STXBP4: variants seen among roughly 807,000 people sequenced by gnomAD.
STXBP4 encodes syntaxin-binding protein 4.
A neutral mutation model predicts 76.1 loss-of-function variants in STXBP4; 55 were observed. The observed-to-expected ratio is 0.72, with a 90% CI of 0.58 to 0.91. The LOEUF is 0.91. STXBP4 is among the 40% of genes least tolerant of loss of function. The pLI, the probability that STXBP4 is intolerant of heterozygous loss-of-function variation, is 0.00. For missense variants in STXBP4, 618 were observed against 636.9 expected (o/e 0.97, Z 0.32); for synonymous variants, 201 against 220.2 (o/e 0.91, Z 0.77).
chr17:55,105,777 C>G (rs1043053023), intron 16 of STXBP4, among the ~76,000 whole-genome samples: 1 of 151,852 alleles, frequency 6.6e-6, no homozygotes, highest in Non-Finnish European at 1.5e-5. Flanking sequence ...CGCACCTGGC[C>G]TCTTAATCCT....
In STXBP4 at chr17:55,007,566, C is replaced by T. The variant is rs2078032824; in HGVS notation, c.635C>T (p.Ser212Phe). 6.2e-7 allele frequency: 1 copy of T among 1,606,800 alleles called. No individual in the cohort carries two copies. Among genetic ancestry groups the T allele is most frequent in the Non-Finnish European group, 8.5e-7 (1 of 1,178,202 alleles). ...CAAGAAAAGATCTCCCTAAATCCCT[C>T]TGTTCGCTTTAAGGCAGAGAAACTG... ...GLQEKISLNP[S>F]VRFKAEKLEM... is the part of the protein sequence containing the mutation. The change falls in exon 8 of 18, where the codon TCT becomes TTT. Residue 212 changes from serine (S) to phenylalanine (F), a missense_variant. By Grantham distance (155) the Ser-to-Phe change is radical (BLOSUM62 -2). Coordinates refer to ENST00000376352, the MANE Select transcript of STXBP4 (RefSeq NM_178509.6).
the STXBP4 span, among the ~76,000 whole-genome samples, chr17:55,186,664 A>T: frequency 3.9e-5 from 6 of 152,202 alleles, no homozygotes; most frequent in South Asian, 4.1e-4. Flanking sequence ...AAATCATTTT[A>T]TCTGTGATGT....
At chr17:55,007,784 A>C (rs893018232) in intron 8 of STXBP4, among the ~76,000 whole-genome samples, 187 bp downstream of exon 8, 5 of 152,198 alleles carry the variant, frequency 3.3e-5, no homozygotes, top group Admixed American at 2.0e-4. Context: ...ATGGTGGTTC[A>C]CTAGTACAAA....
chr17:55,113,858 G>A (rs969665883), intron 16 of STXBP4, among the ~76,000 whole-genome samples: 2 of 152,008 alleles, frequency 1.3e-5, no homozygotes, highest in Admixed American at 1.3e-4. Flanking sequence ...AATGAAAGAA[G>A]CAGCATATAG....
At chr17:55,157,021 G>A (rs2080284807) in intron 17 of STXBP4, among the ~76,000 whole-genome samples, 1 of 152,072 alleles carries the variant, frequency 6.6e-6, no homozygotes, top group African/African-American at 2.4e-5. Flanking sequence ...GTTGTAATAT[G>A]TCAAGCATGA....
intron 1 of STXBP4, among the ~76,000 whole-genome samples, chr17:54,978,710 TATCA>T (rs2077505964): frequency 6.6e-6 from 1 of 152,104 alleles, no homozygotes; most frequent in South Asian, 2.1e-4. Flanking sequence ...CCAAATAATA[TATCA>T]AAGTATATAT....
intron 1 of STXBP4, among the ~76,000 whole-genome samples, chr17:54,974,399 TTATTTTCTGGC>T (rs2077439702): frequency 6.6e-6 from 1 of 152,268 alleles, no homozygotes; most frequent in Non-Finnish European, 1.5e-5. Flanking sequence ...CCCTAGTTTC[TTATTTTCTGGC>T]AGTGGCCTCT....
In STXBP4 at chr17:54,969,996, A is replaced by G. The variant is rs529163390; in HGVS notation, c.-157+1181A>G. Among the ~76,000 whole-genome samples the G allele has an allele frequency of 2.0e-4, 30 of 152,340 alleles. No homozygotes were observed. In the South Asian group the frequency reaches 6.0e-3, roughly 30 times the overall value. ...CGGTAGTAAAGTAAGGACGTTTTGA[A>G]GAGGTGACATTTGAGTTTAGATCTG... On this transcript the variant is annotated intron_variant, in intron 1 of 17. Coordinates refer to ENST00000376352, the MANE Select transcript of STXBP4 (RefSeq NM_178509.6).
intron 1 of STXBP4, among the ~76,000 whole-genome samples, chr17:54,972,408 C>G (rs1031941510): frequency 1.3e-5 from 2 of 152,156 alleles, no homozygotes; most frequent in African/African-American, 4.8e-5. Flanking sequence ...TGGCATTTTA[C>G]TGTAAGGTAG....
At chr17:55,038,689 TAGC>T (rs2078645801) in intron 10 of STXBP4, among the ~76,000 whole-genome samples, 2 of 147,254 alleles carry the variant, frequency 1.4e-5, no homozygotes, top group Non-Finnish European at 2.9e-5. Flanking sequence ...AGCCCACATT[TAGC>T]ACTACTCTAA....
chr17:55,196,936 C>T, the STXBP4 span, among the ~76,000 whole-genome samples: 5 of 152,276 alleles, frequency 3.3e-5, no homozygotes, highest in Admixed American at 3.3e-4. Flanking sequence ...CAACATGTTT[C>T]TAATAGATCC....
intron 8 of STXBP4, among the ~76,000 whole-genome samples, chr17:55,024,850 A>G (rs2078383248): frequency 6.6e-6 from 1 of 152,160 alleles, no homozygotes. Context: ...TTAGTAAGTT[A>G]TAGATGGCCG....
chr17:55,213,020 G>T, the STXBP4 span, among the ~76,000 whole-genome samples: 2 of 152,188 alleles, frequency 1.3e-5, no homozygotes, highest in East Asian at 1.9e-4. Context: ...AAAACTGGTT[G>T]TGTGTGTCCT....
At chr17:55,063,172 T>G (rs1479484782) in intron 12 of STXBP4, among the ~76,000 whole-genome samples, 1 of 152,218 alleles carries the variant, frequency 6.6e-6, no homozygotes, top group Non-Finnish European at 1.5e-5. Context: ...ACCTAGTGAT[T>G]CATTAGAGGT....
chr17:55,051,782 A>T (rs1165404162), intron 12 of STXBP4, among the ~76,000 whole-genome samples: 1 of 151,530 alleles, frequency 6.6e-6, no homozygotes, highest in Non-Finnish European at 1.5e-5. Context: ...GAAGGAAAGA[A>T]CCCTGCGGGA....
At chr17:55,062,889 A>G (rs2079010791) in intron 12 of STXBP4, among the ~76,000 whole-genome samples, 1 of 152,238 alleles carries the variant, frequency 6.6e-6, no homozygotes, top group South Asian at 2.1e-4. Flanking sequence ...AAGTTGGAAA[A>G]GGCTTTTTTA....
At chr17:55,059,252 T>C (rs962825726) in intron 12 of STXBP4, among the ~76,000 whole-genome samples, 2 of 152,298 alleles carry the variant, frequency 1.3e-5, no homozygotes, top group African/African-American at 2.4e-5. Flanking sequence ...AATATTCAGA[T>C]AAGCCTACTG....
the STXBP4 span, among the ~76,000 whole-genome samples, chr17:55,209,960 A>C: frequency 6.6e-6 from 1 of 152,192 alleles, no homozygotes; most frequent in Non-Finnish European, 1.5e-5. Flanking sequence ...TGTTTACAAC[A>C]CAAGTTAGGG....
chr17:55,085,633 G>A (rs1366110328), intron 16 of STXBP4, among the ~76,000 whole-genome samples: 2 of 151,978 alleles, frequency 1.3e-5, no homozygotes, highest in African/African-American at 4.8e-5. Context: ...GAGAAAGAAA[G>A]ATGTAAAGTT....
Sources: allele counts gnomAD v4.1 joint callset (sites outside exome capture counted in the v4.1 genomes callset), GRCh38; gene constraint gnomAD v4.1.1; transcripts MANE v1.5; gene names NCBI Gene and HGNC (gene_info 2026-07-23, HGNC 2026-07-21).